GAD1: variants seen among roughly 807,000 people sequenced by gnomAD.
GAD1 encodes the protein 67 kDa glutamic acid decarboxylase.
In GAD1, 35 loss-of-function variants were observed where a neutral mutation model predicts 75.2. The observed-to-expected ratio is 0.47, with a 90% CI of 0.36 to 0.62. The LOEUF (loss-of-function observed/expected upper bound fraction) is 0.62. Among genes scored for constraint, GAD1 ranks in the 20% least tolerant of loss-of-function variants. The pLI is 0.00. For synonymous variants in GAD1, 257 were observed against 271.9 expected (o/e 0.95, Z 0.54); for missense variants, 490 against 758.5 (o/e 0.65, Z 4.16).
At chr2:170,825,222 C>T (rs537067258) in intron 3 of GAD1, among the ~76,000 whole-genome samples, 1 of 152,192 alleles carries the variant, frequency 6.6e-6, no homozygotes, top group East Asian at 1.9e-4. Flanking sequence ...CCCATCTCTA[C>T]AAAAACTTTC....
intron 3 of GAD1, among the ~76,000 whole-genome samples, chr2:170,825,258 A>G (rs1481329250): frequency 6.6e-6 from 1 of 152,108 alleles, no homozygotes. Flanking sequence ...TGTGGTGGCC[A>G]CATAGCTGCA....
Position 170,818,206 on chromosome 2 carries a change from T to G in GAD1, c.-63-323T>G. 3.3e-6 allele frequency: 1 copy of G among 303,082 alleles called. No homozygotes were observed. The highest frequency in any genetic ancestry group is 6.4e-6 in the Non-Finnish European group (1 of 155,720). 18.8% of individuals were successfully genotyped at this position (303,082 alleles called of 1,614,324 possible). On this transcript the variant is annotated intron_variant, in intron 1 of 16. Coordinates refer to ENST00000358196, the MANE Select transcript of GAD1 (RefSeq NM_000817.3). This position sits in a 1 kb window ranked among gnomAD's most constrained non-coding sequence, Gnocchi z 5.9. ...TAGCCTAGTCCCCCACACCCTTGCG[T>G]CTTGTACTGGCCTTGGACCCCCACC...
At chr2:170,820,074 G>A (rs528315536) in intron 2 of GAD1, among the ~76,000 whole-genome samples, 5 of 152,368 alleles carry the variant, frequency 3.3e-5, no homozygotes, top group Admixed American at 1.3e-4. Flanking sequence ...CAGGGCGGGA[G>A]GAACGCGAGG....
At chr2:170,846,841 T>G (rs1356686652) in intron 10 of GAD1, among the ~76,000 whole-genome samples, 1 of 152,092 alleles carries the variant, frequency 6.6e-6, no homozygotes, top group East Asian at 1.9e-4. Context: ...CCCACATCTC[T>G]GTAAAAAATT....
At chr2:170,847,339 G>T (rs1029583933) in intron 10 of GAD1, among the ~76,000 whole-genome samples, 2 of 152,024 alleles carry the variant, frequency 1.3e-5, no homozygotes, top group Non-Finnish European at 1.5e-5. Flanking sequence ...TAAACATACT[G>T]TATATTTTGC....
At chr2:170,836,714 C>G (rs1445493892) in intron 5 of GAD1, 79 bp from the exon 6 acceptor site, 1 of 934,582 alleles carries the variant, frequency 1.1e-6, no homozygotes, top group African/African-American at 1.6e-5. Context: ...TCAGTGTGAC[C>G]CAGTGGGGCA....
chr2:170,835,502 AG>A (rs1186604760), intron 5 of GAD1, among the ~76,000 whole-genome samples: 1 of 152,242 alleles, frequency 6.6e-6, no homozygotes, highest in Non-Finnish European at 1.5e-5. Context: ...GATAGATATA[AG>A]ATTTGGGGGC....
chr2:170,842,052 A>C (rs1317603191), intron 6 of GAD1, among the ~76,000 whole-genome samples: 1 of 152,240 alleles, frequency 6.6e-6, no homozygotes, highest in African/African-American at 2.4e-5. Context: ...GAAATAGATT[A>C]GATCAGTTAA....
Position 170,832,660 on chromosome 2 carries a change from G to GCACA in GAD1, c.547+1469_547+1470insACAC, listed in dbSNP as rs1437651895. On this transcript the variant is annotated intron_variant, in intron 5 of 16. Coordinates refer to ENST00000358196, the MANE Select transcript of GAD1 (RefSeq NM_000817.3). ...AAGACACAGGCACACATGCGCGCGC[G>GCACA]CGCGCACACACACACACACACACAC... Among the ~76,000 whole-genome samples, 74 of 79,474 alleles carry GCACA rather than the reference G, an allele frequency of 9.3e-4. 1 individual carries two copies. The East Asian group carries it at 0.017, about 18-fold the overall frequency. 52.1% of individuals were successfully genotyped at this position (79,474 alleles called of 152,430 possible). A position where few individuals can be genotyped will look rare whatever the true frequency, so the allele number is the denominator to read the frequency against.
chr2:170,813,797 A>G (rs1701650802), upstream of GAD1, among the ~76,000 whole-genome samples: 1 of 152,216 alleles, frequency 6.6e-6, no homozygotes, highest in African/African-American at 2.4e-5. Flanking sequence ...CGTGTTCCCA[A>G]GTCCCAGCGG....
At chr2:170,854,350 T>TAA (rs550139003) in intron 14 of GAD1, among the ~76,000 whole-genome samples, 5 of 143,342 alleles carry the variant, frequency 3.5e-5, no homozygotes, top group African/African-American at 1.3e-4. Flanking sequence ...TAGAGAAAGA[T>TAA]AAAAAAAAAT....
At position 170,817,016 on chromosome 2, in the gene GAD1, C is replaced by A; in HGVS notation, c.-96C>A. 1 of 179,668 alleles carries A rather than the reference C, an allele frequency of 5.6e-6. No individual in the cohort carries two copies. The highest frequency in any genetic ancestry group is 1.2e-5 in the Non-Finnish European group (1 of 85,376). 11.1% of individuals were successfully genotyped at this position (179,668 alleles called of 1,614,324 possible). A position where few individuals can be genotyped will look rare whatever the true frequency, so the allele number is the denominator to read the frequency against. On this transcript the variant is annotated 5_prime_UTR_variant, in exon 1 of 17. Coordinates refer to ENST00000358196, the MANE Select transcript of GAD1 (RefSeq NM_000817.3). ...CGCTGGGCGCTGTGCAGAGGAAAGG[C>A]GGGAGTGCCCGGCTCGCTGTCGCAG...
intron 2 of GAD1, 85 bp from the exon 3 acceptor site, chr2:170,822,002 C>T: frequency 8.7e-7 from 1 of 1,154,156 alleles, no homozygotes; most frequent in Non-Finnish European, 1.3e-6. Context: ...TCCTCATCCT[C>T]CCCCAAGAAA....
Position 170,849,335 on chromosome 2 carries a change from T to A in GAD1, c.1169T>A (p.Leu390His). The A allele has an allele frequency of 6.2e-7, 1 of 1,614,062 alleles. No individual in the cohort carries two copies. The highest frequency in any genetic ancestry group is 8.5e-7 in the Non-Finnish European group (1 of 1,180,018). The change falls in exon 12 of 17, where the codon CTC becomes CAC. Residue 390 changes from leucine (L) to histidine (H), a missense_variant. Coordinates refer to ENST00000358196, the MANE Select transcript of GAD1 (RefSeq NM_000817.3). ...ATGTCCAGGAAGCACCGCCATAAACTCAACGGCATAGAAAGGTAACGGCCA... is the reference window on the plus strand; with the variant it reads ...ATGTCCAGGAAGCACCGCCATAAACACAACGGCATAGAAAGGTAACGGCCA... ...LLMSRKHRHK[L>H]NGIERANSVT...
In GAD1 at chr2:170,844,097, A is replaced by C. The variant is rs753819814; in HGVS notation, c.691A>C (p.Lys231Gln). The change falls in exon 7 of 17, where the codon AAG becomes CAG. Residue 231 changes from lysine (K) to glutamine (Q), a missense_variant. This residue lies in a region of GAD1 where 324 missense variants were observed against 523.9 expected (regional missense o/e 0.62). Coordinates refer to ENST00000358196, the MANE Select transcript of GAD1 (RefSeq NM_000817.3). Reference protein sequence around the residue: ...VFVLMEQITLKKMREIVGWSS... With the variant: ...VFVLMEQITLQKMREIVGWSS... ...TGTCCTCATGGAACAAATAACACTTAAGAAGATGAGAGAGATAGTTGGATG... is the reference window on the plus strand; with the variant it reads ...TGTCCTCATGGAACAAATAACACTTCAGAAGATGAGAGAGATAGTTGGATG... 2 of 1,611,580 alleles carry C rather than the reference A, an allele frequency of 1.2e-6. No homozygotes were observed. The highest frequency in any genetic ancestry group is 2.7e-5 in the African/African-American group (2 of 74,878).
At chr2:170,824,350 G>A (rs1701973021) in intron 3 of GAD1, among the ~76,000 whole-genome samples, 1 of 151,116 alleles carries the variant, frequency 6.6e-6, no homozygotes, top group Non-Finnish European at 1.5e-5. Flanking sequence ...TTTTGTGTTG[G>A]CCCTGGGTCC....
At chr2:170,859,652 A>T in intron 16 of GAD1, 57 bp from the exon 17 acceptor site, 1 of 1,556,454 alleles carries the variant, frequency 6.4e-7, no homozygotes, top group Non-Finnish European at 8.8e-7. Context: ...TTGAATTGTT[A>T]AAAAGAGAGG....
At chr2:170,849,391 A>G (rs1161336215) in intron 12 of GAD1, 41 bp downstream of exon 12, 14 of 1,575,868 alleles carry the variant, frequency 8.9e-6, no homozygotes, top group Non-Finnish European at 1.1e-5. Context: ...CACCCAGCAC[A>G]TCAAACAGAC....
In GAD1 at chr2:170,829,626, T is replaced by G; in HGVS notation, c.297T>G (p.Phe99Leu). Residue 99 changes from phenylalanine to leucine, a missense_variant, in exon 4 of 17, where the codon TTT becomes TTG. By Grantham distance (22) the Phe-to-Leu change is conservative. Transcript: ENST00000358196. ...RRTETDFSNL[F>L]ARDLLPAKNG... Reference sequence around the variant, plus strand: ...CAGAGACTGACTTCTCTAATCTGTTTGCTAGAGGTAGCCCCTGCCCCACTC... The same window carrying G: ...CAGAGACTGACTTCTCTAATCTGTTGGCTAGAGGTAGCCCCTGCCCCACTC... The G allele has an allele frequency of 2.5e-6, 4 of 1,613,216 alleles. No individual in the cohort carries two copies. Among genetic ancestry groups the G allele is most frequent in the Non-Finnish European group, 3.4e-6 (4 of 1,180,040 alleles).
Sources: gnomAD v4.1 joint callset for allele counts (sites outside exome capture counted in the v4.1 genomes callset) on GRCh38, gnomAD v4.1.1 for gene constraint, gnomAD v4.1.1 regional missense constraint, Gnocchi (gnomAD v3.1) non-coding constraint, MANE v1.5 for transcripts, NCBI Gene and HGNC (gene_info 2026-07-23, HGNC 2026-07-21) for gene names.